Variants in YTHDC2 observed in about 807,000 individuals in gnomAD.
YTHDC2 encodes the protein 3'-5' RNA helicase YTHDC2.
A neutral mutation model predicts 174.9 loss-of-function variants in YTHDC2; 45 were observed. The ratio of observed to expected loss-of-function variants is 0.26; its 90% CI spans 0.20 to 0.33. YTHDC2 has a LOEUF of 0.33. YTHDC2 is among the 10% of genes least tolerant of loss of function. The pLI is 1.00. For missense variants in YTHDC2, 1,650 were observed against 1,723.7 expected (o/e 0.96, Z 0.76); for synonymous variants, 657 against 574.5 (o/e 1.14, Z -2.05).
At chr5:113,517,460 G>A (rs1174991246) in intron 2 of YTHDC2, 1 of 434,106 alleles carries the variant, frequency 2.3e-6, no homozygotes, top group African/African-American at 2.0e-5. Context: ...CTCTTCAGTA[G>A]CATAGTCATG....
At chr5:113,587,606 A>G (rs887866900) in intron 26 of YTHDC2, among the ~76,000 whole-genome samples, 4 of 145,650 alleles carry the variant, frequency 2.7e-5, no homozygotes, top group African/African-American at 7.5e-5. Context: ...TTTATGACAT[A>G]TTATTATATA....
chr5:113,513,739 C>T lies in YTHDC2; in HGVS notation c.-157C>T, dbSNP rs1773176300. On this transcript the variant is annotated 5_prime_UTR_variant, in exon 1 of 30. Coordinates refer to ENST00000161863, the MANE Select transcript of YTHDC2 (RefSeq NM_022828.5). ...ATCAATGGCGCAGGCTTCACTTCTG[C>T]TGTGGCGGTGACTGAGGCCTTTCTG... The T allele has an allele frequency of 4.0e-6, 3 of 746,220 alleles. No homozygotes were observed. The highest frequency in any genetic ancestry group is 3.2e-5 in the East Asian group (1 of 31,706). 46.2% of individuals were successfully genotyped at this position (746,220 alleles called of 1,614,324 possible). A position where few individuals can be genotyped will look rare whatever the true frequency, so the allele number is the denominator to read the frequency against.
chr5:113,573,635 C>T (rs1777866112), intron 23 of YTHDC2, among the ~76,000 whole-genome samples: 1 of 152,106 alleles, frequency 6.6e-6, no homozygotes, highest in African/African-American at 2.4e-5. Context: ...TTTATATAAT[C>T]CCATATTTCT....
At chr5:113,545,870 A>C (rs1421642138) in intron 10 of YTHDC2, among the ~76,000 whole-genome samples, 1 of 93,716 alleles carries the variant, frequency 1.1e-5, no homozygotes, top group Non-Finnish European at 1.9e-5. Context: ...CCTCCCAAGT[A>C]GCTGGGACTA....
At chr5:113,539,849 T>G (rs2112612662) in intron 8 of YTHDC2, among the ~76,000 whole-genome samples, 1 of 152,212 alleles carries the variant, frequency 6.6e-6, no homozygotes, top group Non-Finnish European at 1.5e-5. Context: ...AGCACTGAAT[T>G]ACTGATATGT....
chr5:113,568,620 C>A (rs940807104), intron 23 of YTHDC2, among the ~76,000 whole-genome samples: 1 of 152,148 alleles, frequency 6.6e-6, no homozygotes, highest in African/African-American at 2.4e-5. Context: ...TGAGAACATG[C>A]GGTGTTTGGT....
chr5:113,575,074 T>G (rs911095063), intron 23 of YTHDC2, among the ~76,000 whole-genome samples: 11 of 152,330 alleles, frequency 7.2e-5, no homozygotes, highest in African/African-American at 2.4e-4. Flanking sequence ...ATGCCTAGTA[T>G]GTCCGAATGT....
At position 113,561,160 on chromosome 5, in the gene YTHDC2, C is replaced by T. The variant is rs775932561; in HGVS notation, c.2297C>T (p.Pro766Leu). 21 of 1,612,266 alleles carry T rather than the reference C, an allele frequency of 1.3e-5. No homozygotes were observed. Among genetic ancestry groups the T allele is most frequent in the East Asian group, 8.9e-5 (4 of 44,838 alleles). Reference sequence around the variant, plus strand: ...CAGAATATGTTGGAATTTCAGACTCCGGAACTTTTGAGAATGCCATTACAG... The same window carrying T: ...CAGAATATGTTGGAATTTCAGACTCTGGAACTTTTGAGAATGCCATTACAG... ...RFQNMLEFQT[P>L]ELLRMPLQEL... The change falls in exon 18 of 30, where the codon CCG becomes CTG. Residue 766 changes from proline to leucine, a missense_variant. This residue lies in a region of YTHDC2 where 913 missense variants were observed against 940.4 expected (regional missense o/e 0.97). Coordinates refer to ENST00000161863, the MANE Select transcript of YTHDC2 (RefSeq NM_022828.5).
At position 113,538,936 on chromosome 5, in the gene YTHDC2, C is replaced by G. The variant is rs181523041; in HGVS notation, c.1103-138C>G. On this transcript the variant is annotated intron_variant, in intron 7 of 29. Coordinates refer to ENST00000161863, the MANE Select transcript of YTHDC2 (RefSeq NM_022828.5). ...GTAAGTCAAAGTTATAGTTAAAGGA[C>G]AATATTATAAGAGTCACTTGAACTA... The G allele has an allele frequency of 1.1e-5, 5 of 469,404 alleles. No individual in the cohort carries two copies. The Admixed American group carries it at 1.9e-4, about 17-fold the overall frequency. 29.1% of individuals were successfully genotyped at this position (469,404 alleles called of 1,614,324 possible).
intron 17 of YTHDC2, among the ~76,000 whole-genome samples, chr5:113,556,689 T>A (rs1329703050): frequency 6.6e-6 from 1 of 152,168 alleles, no homozygotes; most frequent in Non-Finnish European, 1.5e-5. Flanking sequence ...GTCTTTCATA[T>A]TTTACTGATG....
intron 16 of YTHDC2, among the ~76,000 whole-genome samples, chr5:113,554,938 G>T (rs1451375749): frequency 6.6e-6 from 1 of 152,012 alleles, no homozygotes. Context: ...CGTTTTTAAT[G>T]TGAAAAAAGT....
intron 12 of YTHDC2, among the ~76,000 whole-genome samples, chr5:113,549,945 A>G (rs1017283879): frequency 2.8e-5 from 4 of 143,570 alleles, no homozygotes; most frequent in African/African-American, 1.1e-4. Flanking sequence ...TAAAAATATG[A>G]TAGCAGAAAA....
In YTHDC2 at chr5:113,543,365, G is replaced by T. The variant is rs112326297; in HGVS notation, c.1495+862G>T. On this transcript the variant is annotated intron_variant, in intron 10 of 29. Coordinates refer to ENST00000161863, the MANE Select transcript of YTHDC2 (RefSeq NM_022828.5). ...AGGCAGCAAAGCATACAGAAAGTCT[G>T]CTGTCATATTGCACATATAATTCAT... Among the ~76,000 whole-genome samples, 430 of 152,220 alleles carry T rather than the reference G, an allele frequency of 2.8e-3. 3 individuals carry two copies. The highest frequency in any genetic ancestry group is 9.7e-3 in the African/African-American group (401 of 41,538).
At chr5:113,562,243 C>T (rs1777040604) in intron 18 of YTHDC2, among the ~76,000 whole-genome samples, 1 of 137,904 alleles carries the variant, frequency 7.3e-6, no homozygotes, top group Admixed American at 7.6e-5. Flanking sequence ...CATAAATTGC[C>T]TGTTCCTGCC....
chr5:113,545,459 C>A (rs1429425263), intron 10 of YTHDC2, among the ~76,000 whole-genome samples: 1 of 152,024 alleles, frequency 6.6e-6, no homozygotes, highest in Non-Finnish European at 1.5e-5. Context: ...TTGTGGCTCA[C>A]TGCAGCCTTG....
rs1383262061 is a variant in YTHDC2 at position 113,534,360 on chromosome 5, T to C, written c.898T>C (p.Leu300=). The stretch of plus-strand genomic sequence containing the variant: ...TACTAATGGGGTATTGCTTCGTACA[T>C]TGATGGCAGGAGATAGTACGTTGTC... ...FCTNGVLLRT[L]MAGDSTLSTV... is the part of the protein sequence containing the mutation. The change falls in exon 6 of 30, where the codon TTG becomes CTG. Residue 300 remains leucine, a synonymous_variant. Transcript: ENST00000161863. The C allele has an allele frequency of 2.5e-6, 4 of 1,612,962 alleles. No homozygotes were observed. In the African/African-American group the frequency reaches 4.0e-5, roughly 16 times the overall value.
chr5:113,514,175 C>A, intron 1 of YTHDC2, 93 bp downstream of exon 1: 2 of 1,469,880 alleles, frequency 1.4e-6, no homozygotes, highest in South Asian at 1.2e-5. Context: ...ATGGGGGTGC[C>A]TCCGAAGAGG....
intron 25 of YTHDC2, chr5:113,583,055 A>G (rs151300037): frequency 1.3e-5 from 2 of 152,326 alleles, no homozygotes; most frequent in African/African-American, 2.4e-5. Context: ...TGGTAGAGTT[A>G]TTCCTAAACC....
chr5:113,591,272 G>C lies in YTHDC2; in HGVS notation c.4029+28G>C, dbSNP rs201162677. 2.4e-4 allele frequency: 388 copies of C among 1,610,180 alleles called. 2 individuals are homozygous for C. In the African/African-American group the frequency reaches 4.7e-3, roughly 20 times the overall value. The stretch of plus-strand genomic sequence containing the variant: ...GAGCCACCCTGAATCAGTAAAATGG[G>C]GTTGTTCTGGCTATAGGTTAAATCA... On this transcript the variant is annotated intron_variant, in intron 27 of 29. Transcript: ENST00000161863.
Sources: allele counts gnomAD v4.1 joint callset (sites outside exome capture counted in the v4.1 genomes callset), GRCh38; gene constraint gnomAD v4.1.1; regional missense constraint gnomAD v4.1.1; transcripts MANE v1.5; gene names NCBI Gene and HGNC (gene_info 2026-07-23, HGNC 2026-07-21).